The following LAMA3 variants were observed in gnomAD, a reference collection of about 807,000 sequenced individuals.
The protein encoded by LAMA3 is laminin subunit alpha 3, also known as laminin subunit alpha-3.
In LAMA3, 281 loss-of-function variants were observed where a neutral mutation model predicts 402.0. The ratio of observed to expected loss-of-function variants is 0.70; its 90% CI spans 0.63 to 0.77. The LOEUF is 0.77. Ranked by LOEUF, LAMA3 falls within the 30% of genes least tolerant of loss-of-function variation. The probability of loss-of-function intolerance (pLI) is 0.00; values close to 1 mark genes in which losing one functional copy is unlikely to be tolerated. For missense variants in LAMA3, 3,840 were observed against 4,215.5 expected (o/e 0.91, Z 2.47); for synonymous variants, 1,431 against 1,558.4 (o/e 0.92, Z 1.93).
At chr18:23,832,812 A>G (rs1398052539) in intron 23 of LAMA3, among the ~76,000 whole-genome samples, 1 of 152,232 alleles carries the variant, frequency 6.6e-6, no homozygotes, top group Admixed American at 6.5e-5. Flanking sequence ...GTGTATTTGC[A>G]TGTATATATT....
At chr18:23,820,934 T>C (rs1337959578) in intron 19 of LAMA3, among the ~76,000 whole-genome samples, 2 of 152,218 alleles carry the variant, frequency 1.3e-5, no homozygotes, top group African/African-American at 4.8e-5. Context: ...AAGCGGCCTT[T>C]CTGAAATGGT....
chr18:23,798,908 C>T (rs535556494), intron 12 of LAMA3, among the ~76,000 whole-genome samples: 9 of 152,200 alleles, frequency 5.9e-5, no homozygotes, highest in Non-Finnish European at 1.0e-4. Context: ...TTGCTTCGCT[C>T]ATGAGCTTAT....
intron 70 of LAMA3, among the ~76,000 whole-genome samples, chr18:23,948,564 C>CTCTT (rs989006422): frequency 2.0e-5 from 3 of 151,898 alleles, no homozygotes; most frequent in Admixed American, 1.3e-4. Flanking sequence ...TCAACATTTT[C>CTCTT]TCTTTCTTTC....
At chr18:23,782,795 C>CTT (rs11446507) in intron 11 of LAMA3, among the ~76,000 whole-genome samples, 18,359 of 135,908 alleles carry the variant, frequency 0.14, 1,827 homozygotes, top group East Asian at 0.57. Context: ...TTCTGAGCAT[C>CTT]TTTTTTTTTT....
At chr18:23,700,394 T>C (rs557393358) in intron 1 of LAMA3, among the ~76,000 whole-genome samples, 87 of 151,992 alleles carry the variant, frequency 5.7e-4, no homozygotes, top group Middle Eastern at 3.4e-3. Context: ...CGTTGAAAAA[T>C]TGGGCTTTAA....
At chr18:23,697,669 T>A (rs1372948317) in intron 1 of LAMA3, among the ~76,000 whole-genome samples, 1 of 151,966 alleles carries the variant, frequency 6.6e-6, no homozygotes, top group Non-Finnish European at 1.5e-5. Flanking sequence ...AATGCTTAAC[T>A]GGTAAGTATA....
Position 23,909,305 on chromosome 18 carries a change from T to A in LAMA3, c.7158+10T>A. ...AGATGCTGCCAGTAAGGTGAGTGTGTCCCCACGTGGTCAGTGGCCAAGGCT... is the reference window on the plus strand; with the variant it reads ...AGATGCTGCCAGTAAGGTGAGTGTGACCCCACGTGGTCAGTGGCCAAGGCT... On this transcript the variant is annotated intron_variant, in intron 55 of 74. Coordinates refer to ENST00000313654, the MANE Select transcript of LAMA3 (RefSeq NM_198129.4). 2 of 1,610,256 alleles carry A rather than the reference T, an allele frequency of 1.2e-6. No individual in the cohort carries two copies. The highest frequency in any genetic ancestry group is 2.2e-5 in the South Asian group (2 of 91,072).
intron 12 of LAMA3, among the ~76,000 whole-genome samples, chr18:23,785,846 A>G (rs1027578735): frequency 1.3e-5 from 2 of 152,240 alleles, no homozygotes; most frequent in Non-Finnish European, 2.9e-5. Flanking sequence ...ATTCATATGG[A>G]CAAAGCTTGT....
At chr18:23,830,686 C>T (rs907572210) in intron 23 of LAMA3, among the ~76,000 whole-genome samples, 1 of 152,152 alleles carries the variant, frequency 6.6e-6, no homozygotes, top group Non-Finnish European at 1.5e-5. Flanking sequence ...CTCAAAATAT[C>T]ATTTGCAGGC....
intron 11 of LAMA3, among the ~76,000 whole-genome samples, chr18:23,783,065 A>G (rs2062468771): frequency 6.6e-6 from 1 of 151,980 alleles, no homozygotes; most frequent in African/African-American, 2.4e-5. Flanking sequence ...CTTCTGCTGG[A>G]CTTGCTGGAG....
intron 65 of LAMA3, chr18:23,931,547 TTGGA>T (rs2082165000): frequency 4.3e-6 from 1 of 230,306 alleles, no homozygotes; most frequent in African/African-American, 2.3e-5. Flanking sequence ...AATAAATCAG[TTGGA>T]TGGATAAATT....
rs537028288 is a variant in LAMA3, at chr18:23,892,940, T to A, written c.5411-1358T>A. ...AAAAAAAAGCAAGTAAGGCTTTTTT[T>A]AAAAAGGAACCCATGATTATATATA... On this transcript the variant is annotated intron_variant, in intron 42 of 74. Coordinates refer to ENST00000313654, the MANE Select transcript of LAMA3 (RefSeq NM_198129.4). 2.0e-4 allele frequency among the ~76,000 whole-genome samples: 30 copies of A among 150,710 alleles called. No individual in the cohort carries two copies. The South Asian group carries it at 2.9e-3, about 15-fold the overall frequency.
chr18:23,778,340 G>A (rs1437700518), intron 11 of LAMA3, among the ~76,000 whole-genome samples: 2 of 152,202 alleles, frequency 1.3e-5, no homozygotes, highest in South Asian at 4.1e-4. Context: ...CAGCTTTCTT[G>A]GAGCTTATAT....
intron 2 of LAMA3, among the ~76,000 whole-genome samples, chr18:23,734,186 G>A (rs757962427): frequency 3.9e-5 from 6 of 152,202 alleles, no homozygotes; most frequent in Admixed American, 6.5e-5. Context: ...CAGTGGGGTC[G>A]CCTAAACATC....
chr18:23,722,350 G>T (rs2061229937), intron 2 of LAMA3, among the ~76,000 whole-genome samples: 1 of 152,168 alleles, frequency 6.6e-6, no homozygotes, highest in Admixed American at 6.5e-5. Context: ...TGCCGTAAAG[G>T]CTGATCCACC....
At position 23,775,787 on chromosome 18, in the gene LAMA3, CTT is replaced by C; in HGVS notation, c.1274-4_1274-3del. 6.2e-7 allele frequency: 1 copy of C among 1,614,002 alleles called. No individual in the cohort carries two copies. Among genetic ancestry groups the C allele is most frequent in the Non-Finnish European group, 8.5e-7 (1 of 1,179,858 alleles). ...GGATCCTTTGAAAACTGGGATTTCTCTTAGCCTGCAGCTGTGACCCTGAGCAT... is the reference window on the plus strand; with the variant it reads ...GGATCCTTTGAAAACTGGGATTTCTCAGCCTGCAGCTGTGACCCTGAGCAT... On this transcript the variant is annotated splice_region_variant and splice_polypyrimidine_tract_variant and intron_variant, in intron 9 of 74. Coordinates refer to ENST00000313654, the MANE Select transcript of LAMA3 (RefSeq NM_198129.4).
intron 1 of LAMA3, among the ~76,000 whole-genome samples, chr18:23,706,591 G>GTCAGACATATA (rs1228129109): frequency 6.6e-6 from 1 of 152,126 alleles, no homozygotes; most frequent in Non-Finnish European, 1.5e-5. Flanking sequence ...GTGTTTATAT[G>GTCAGACATATA]TGTTTCCTCT....
At chr18:23,941,171 C>T (rs1291464806) in intron 68 of LAMA3, among the ~76,000 whole-genome samples, 1 of 152,006 alleles carries the variant, frequency 6.6e-6, no homozygotes, top group Non-Finnish European at 1.5e-5. Context: ...CTCCTGACCT[C>T]GTGATCCGCC....
chr18:23,855,281 G>A (rs773721567), intron 32 of LAMA3, among the ~76,000 whole-genome samples: 4 of 152,224 alleles, frequency 2.6e-5, no homozygotes, highest in Admixed American at 6.5e-5. Context: ...CCCTCTGTGC[G>A]TGGTGTTCTT....
Sources: gnomAD v4.1 joint callset for allele counts (sites outside exome capture counted in the v4.1 genomes callset) on GRCh38, gnomAD v4.1.1 for gene constraint, MANE v1.5 for transcripts, NCBI Gene and HGNC (gene_info 2026-07-23, HGNC 2026-07-21) for gene names.